Variants in GRID1 observed in about 807,000 individuals in gnomAD.
GRID1 encodes the protein glutamate receptor ionotropic, delta-1.
In GRID1, 28 loss-of-function variants were observed where a neutral mutation model predicts 98.0. The ratio of observed to expected loss-of-function variants is 0.29; its 90% CI spans 0.21 to 0.39. The LOEUF (loss-of-function observed/expected upper bound fraction) is 0.39. Among genes scored for constraint, GRID1 ranks in the 10% least tolerant of loss-of-function variants. The probability of loss-of-function intolerance (pLI) is 1.00; values close to 1 mark genes in which losing one functional copy is unlikely to be tolerated. For synonymous variants in GRID1, 553 were observed against 538.5 expected, an observed-to-expected ratio of 1.03 and a Z score of -0.37; for missense variants, 1,111 against 1,340.5, an observed-to-expected ratio of 0.83 and a Z score of 2.67.
intron 6 of GRID1, among the ~76,000 whole-genome samples, chr10:85,860,293 G>GGAAC (rs1368778448): frequency 6.6e-6 from 1 of 152,184 alleles, no homozygotes; most frequent in African/African-American, 2.4e-5. Flanking sequence ...GGGTGACCTA[G>GGAAC]GAACACTGCA....
chr10:85,879,740 A>C (rs1840970194), intron 5 of GRID1, among the ~76,000 whole-genome samples: 1 of 152,248 alleles, frequency 6.6e-6, no homozygotes, highest in East Asian at 1.9e-4. Flanking sequence ...ATACATTCAA[A>C]AGCTAGCAGA....
intron 4 of GRID1, among the ~76,000 whole-genome samples, chr10:85,974,728 G>A (rs1842449686): frequency 6.6e-6 from 1 of 152,212 alleles, no homozygotes; most frequent in African/African-American, 2.4e-5. Flanking sequence ...TGATGGACAT[G>A]TTGAACGCTA....
At chr10:86,137,459 G>A (rs539284870) in intron 4 of GRID1, among the ~76,000 whole-genome samples, 27 of 152,284 alleles carry the variant, frequency 1.8e-4, no homozygotes, top group African/African-American at 4.1e-4. Context: ...CAAGGGGAAC[G>A]GGCAAGGAAT....
chr10:85,723,104 G>C lies in GRID1; in HGVS notation c.1896C>G (p.Ile632Met). ...ESSVNSMAMR[I>M]VMGSWWLFTL... ...TGAAGAGCCACCAGCTGCCCATCAC[G>C]ATGCGCATGGCCATGGAGTTCACGG... The change falls in exon 12 of 16, where the codon ATC (isoleucine) becomes ATG (methionine). Residue 632 changes from isoleucine (I) to methionine (M), a missense_variant. This residue lies in a region of GRID1 where 762 missense variants were observed against 869.1 expected (regional missense o/e 0.88). Coordinates refer to ENST00000327946, the MANE Select transcript of GRID1 (RefSeq NM_017551.3). 6.2e-7 allele frequency: 1 copy of C among 1,611,524 alleles called. No homozygotes were observed. The highest frequency in any genetic ancestry group is 8.5e-7 in the Non-Finnish European group (1 of 1,178,858).
At chr10:86,009,631 C>T (rs896872397) in intron 4 of GRID1, among the ~76,000 whole-genome samples, 1 of 152,188 alleles carries the variant, frequency 6.6e-6, no homozygotes, top group Non-Finnish European at 1.5e-5. Context: ...ATAGCAGGAA[C>T]AGCAGAAAAA....
At chr10:86,149,662 C>T (rs1488930066) in intron 3 of GRID1, among the ~76,000 whole-genome samples, 1 of 152,234 alleles carries the variant, frequency 6.6e-6, no homozygotes, top group East Asian at 1.9e-4. Context: ...CACCACGCTG[C>T]ATTAAGTGCT....
chr10:85,961,463 C>G (rs1806642), intron 4 of GRID1, among the ~76,000 whole-genome samples: 43,310 of 151,976 alleles, frequency 0.28, 7,074 homozygotes, highest in African/African-American at 0.43. Flanking sequence ...ACGAAATCAA[C>G]TGGCTTGTGT....
At chr10:85,673,993 C>A (rs1411259738) in intron 12 of GRID1, among the ~76,000 whole-genome samples, 1 of 152,144 alleles carries the variant, frequency 6.6e-6, no homozygotes, top group Admixed American at 6.5e-5. Context: ...CCTCTCAGAT[C>A]ACTCTTCTTA....
In GRID1 at chr10:85,911,157, GCATT is replaced by G. The variant is rs746025264; in HGVS notation, c.780+5025_780+5028del. Among the ~76,000 whole-genome samples, 10 of 152,182 alleles carry G rather than the reference GCATT, an allele frequency of 6.6e-5. 1 individual carries two copies. The highest frequency in any genetic ancestry group is 1.5e-4 in the Non-Finnish European group (10 of 68,030). On this transcript the variant is annotated intron_variant, in intron 5 of 15. Transcript: ENST00000327946. ...AGATTTCTTAAAGCTATGTGATTCAGCATTCATATCACAGTCTTTTTCTTTTATC... is the reference window on the plus strand; with the variant it reads ...AGATTTCTTAAAGCTATGTGATTCAGCATATCACAGTCTTTTTCTTTTATC...
chr10:86,060,480 G>C (rs1362910796), intron 4 of GRID1, among the ~76,000 whole-genome samples: 1 of 152,242 alleles, frequency 6.6e-6, no homozygotes, highest in African/African-American at 2.4e-5. Context: ...CATATCCCCA[G>C]TATATTGGTG....
chr10:86,136,329 CA>C (rs1215535642), intron 4 of GRID1, among the ~76,000 whole-genome samples: 1 of 152,202 alleles, frequency 6.6e-6, no homozygotes, highest in Non-Finnish European at 1.5e-5. Context: ...GAACCTCTGC[CA>C]AACCCTGGCC....
rs536025482 is a variant in GRID1, at chr10:85,704,844, C to T, written c.1997+18159G>A. 1.4e-3 allele frequency among the ~76,000 whole-genome samples: 219 copies of T among 152,272 alleles called. 1 individual carries two copies. The highest frequency in any genetic ancestry group is 5.1e-3 in the African/African-American group (212 of 41,552). The stretch of plus-strand genomic sequence containing the variant: ...TCAAAACCGCTCAACTACATGGAAA[C>T]TGAAAAACCTGCTCCTGAATGACTA... On this transcript the variant is annotated intron_variant, in intron 12 of 15. Coordinates refer to ENST00000327946, the MANE Select transcript of GRID1 (RefSeq NM_017551.3).
At chr10:86,184,092 C>A (rs1845694492) in intron 3 of GRID1, among the ~76,000 whole-genome samples, 2 of 152,182 alleles carry the variant, frequency 1.3e-5, no homozygotes, top group South Asian at 2.1e-4. Context: ...AAATATTTTG[C>A]CCAATTCTCA....
chr10:86,152,790 C>T (rs928541116), intron 3 of GRID1, among the ~76,000 whole-genome samples: 13 of 152,246 alleles, frequency 8.5e-5, no homozygotes, highest in Non-Finnish European at 1.8e-4. Context: ...CTGCTCGGAA[C>T]AGCAGCCCAT....
chr10:86,044,810 G>A (rs930999304), intron 4 of GRID1, among the ~76,000 whole-genome samples: 17 of 151,918 alleles, frequency 1.1e-4, no homozygotes, highest in Non-Finnish European at 2.1e-4. Flanking sequence ...TTGGTGGCTC[G>A]TTTTGCAGGT....
chr10:86,323,766 A>G (rs1475316966), intron 2 of GRID1, among the ~76,000 whole-genome samples: 1 of 152,270 alleles, frequency 6.6e-6, no homozygotes, highest in Non-Finnish European at 1.5e-5. Context: ...ACTGAAGTGT[A>G]TACTTTAAAA....
rs67350023 is a variant in GRID1, at chr10:85,895,016, AATAT to A, written c.780+21166_780+21169del. 3.9e-3 allele frequency among the ~76,000 whole-genome samples: 374 copies of A among 97,082 alleles called. 1 individual carries two copies. The highest frequency in any genetic ancestry group is 0.016 in the Middle Eastern group (3 of 188). The allele number at this position is 97,082 out of a possible 152,430, so 63.7% of individuals were successfully genotyped here. ...CTGGGACTCTCAAAAAAAAAAAAAA[AATAT>A]ATATATATATATATATATATGTAAA... On this transcript the variant is annotated intron_variant, in intron 5 of 15. Transcript: ENST00000327946.
intron 2 of GRID1, among the ~76,000 whole-genome samples, chr10:86,252,518 A>T (rs1481289161): frequency 6.6e-6 from 1 of 152,256 alleles, no homozygotes; most frequent in African/African-American, 2.4e-5. Context: ...ATGAATAAAT[A>T]AATACGTGGT....
intron 15 of GRID1, among the ~76,000 whole-genome samples, chr10:85,604,795 T>A (rs1034582536): frequency 6.6e-6 from 1 of 152,242 alleles, no homozygotes; most frequent in African/African-American, 2.4e-5. Context: ...GTAAGACTAC[T>A]TTAGGAATAT....
Sources: allele counts gnomAD v4.1 joint callset (sites outside exome capture counted in the v4.1 genomes callset), GRCh38; gene constraint gnomAD v4.1.1; regional missense constraint gnomAD v4.1.1; transcripts MANE v1.5; gene names NCBI Gene and HGNC (gene_info 2026-07-23, HGNC 2026-07-21).